Variants in NFKB1 observed in about 807,000 individuals in gnomAD.
NFKB1 encodes nuclear factor NF-kappa-B p105 subunit.
NFKB1 carries 9 observed loss-of-function variants against 105.1 expected under a neutral mutation model. The observed-to-expected ratio is 0.09, with a 90% confidence interval of 0.05 to 0.15. The LOEUF is 0.15. NFKB1 is among the 10% of genes least tolerant of loss of function. The pLI, the probability that NFKB1 is intolerant of heterozygous loss-of-function variation, is 1.00. For synonymous variants in NFKB1, 440 were observed against 442.2 expected (o/e 1.00, Z 0.06); for missense variants, 830 against 1,203.7 (o/e 0.69, Z 4.59).
At position 102,524,568 on chromosome 4, in the gene NFKB1, T is replaced by C. The variant is rs141224828; in HGVS notation, c.-7-944T>C. On this transcript the variant is annotated intron_variant, in intron 1 of 23. Coordinates refer to ENST00000226574, the MANE Select transcript of NFKB1 (RefSeq NM_003998.4). The stretch of plus-strand genomic sequence containing the variant: ...TGTGATGATTCAAGCACATTACATA[T>C]ATTGTGCACTTTATTTCTATTATTA... Among the ~76,000 whole-genome samples, 416 of 152,222 alleles carry C rather than the reference T, an allele frequency of 2.7e-3. 1 individual carries two copies. Among genetic ancestry groups the C allele is most frequent in the African/African-American group, 9.3e-3 (385 of 41,540 alleles).
Position 102,612,575 on chromosome 4 carries a change from C to T in NFKB1, c.2561C>T (p.Ala854Val). 6.2e-7 allele frequency: 1 copy of T among 1,613,898 alleles called. No homozygotes were observed. Among genetic ancestry groups the T allele is most frequent in the Non-Finnish European group, 8.5e-7 (1 of 1,180,018 alleles). ...AATAATGCCTTCCGGCTGAGTCCTG[C>T]TCCTTCCAAAACACTTATGGACAAC... ...ILNNAFRLSP[A>V]PSKTLMDNYE... is the part of the protein sequence containing the mutation. The change falls in exon 22 of 24, where the codon GCT (alanine) becomes GTT (valine). Residue 854 changes from alanine to valine, a missense_variant. Around this residue, in one of 8 missense-constraint regions of NFKB1, gnomAD observed 418 missense variants for 575.3 expected, o/e 0.73. Transcript: ENST00000226574.
chr4:102,584,714 A>G lies in NFKB1; in HGVS notation c.960A>G (p.Lys320=). 6.2e-7 allele frequency: 1 copy of G among 1,610,256 alleles called. No homozygotes were observed. The highest frequency in any genetic ancestry group is 8.5e-7 in the Non-Finnish European group (1 of 1,178,664). The stretch of plus-strand genomic sequence containing the variant: ...TTGTCTTCAAAACTCCAAAGTATAA[A>G]GATATTAATATTACAAAACCAGCCT... ...FAIVFKTPKY[K]DINITKPASV... The change falls in exon 11 of 24, where the codon AAA becomes AAG. Residue 320 remains lysine (K), a synonymous_variant. Transcript: ENST00000226574.
chr4:102,558,690 G>T (rs1042898398), intron 5 of NFKB1, among the ~76,000 whole-genome samples: 1 of 151,956 alleles, frequency 6.6e-6, no homozygotes, highest in African/African-American at 2.4e-5. Context: ...TCACCCTGTT[G>T]CCCAGGCTGG....
intron 5 of NFKB1, among the ~76,000 whole-genome samples, chr4:102,561,717 G>A (rs1723460073): frequency 6.6e-6 from 1 of 152,136 alleles, no homozygotes; most frequent in Non-Finnish European, 1.5e-5. Context: ...GCTGTGAAAT[G>A]GGGTACAACC....
At chr4:102,503,297 C>T (rs1739207300) in intron 1 of NFKB1, 1 of 151,808 alleles carries the variant, frequency 6.6e-6, no homozygotes, top group South Asian at 2.1e-4. Context: ...ATTATTCATC[C>T]ATATTGATAC....
intron 10 of NFKB1, among the ~76,000 whole-genome samples, chr4:102,584,472 A>G (rs1725559659): frequency 6.6e-6 from 1 of 152,226 alleles, no homozygotes; most frequent in African/African-American, 2.4e-5. Context: ...ATAGCATTGT[A>G]TTTTGATTTT....
intron 11 of NFKB1, among the ~76,000 whole-genome samples, chr4:102,592,571 G>T (rs1264621602): frequency 6.6e-6 from 1 of 152,160 alleles, no homozygotes; most frequent in African/African-American, 2.4e-5. Context: ...TATGTACATT[G>T]CTTTTTAAGA....
chr4:102,524,364 T>A (rs1364182138), intron 1 of NFKB1, among the ~76,000 whole-genome samples: 1 of 152,120 alleles, frequency 6.6e-6, no homozygotes, highest in East Asian at 1.9e-4. Flanking sequence ...TAAGGACTTT[T>A]ATTTTTGTAT....
At chr4:102,550,997 A>C (rs961182976) in intron 5 of NFKB1, among the ~76,000 whole-genome samples, 1 of 152,224 alleles carries the variant, frequency 6.6e-6, no homozygotes, top group African/African-American at 2.4e-5. Flanking sequence ...TTAATTTTTA[A>C]AATAGGTGTA....
At chr4:102,570,855 C>T (rs557242915) in intron 6 of NFKB1, among the ~76,000 whole-genome samples, 13 of 152,306 alleles carry the variant, frequency 8.5e-5, no homozygotes, top group African/African-American at 2.4e-4. Flanking sequence ...AATGGAAGAA[C>T]ATTCCATGCT....
At chr4:102,549,186 T>C (rs1722378169) in intron 5 of NFKB1, among the ~76,000 whole-genome samples, 1 of 151,902 alleles carries the variant, frequency 6.6e-6, no homozygotes, top group African/African-American at 2.4e-5. Flanking sequence ...ATTTATCGAG[T>C]TCTTACTATG....
At chr4:102,516,551 T>C (rs537575622) in intron 1 of NFKB1, among the ~76,000 whole-genome samples, 1 of 150,642 alleles carries the variant, frequency 6.6e-6, no homozygotes, top group East Asian at 2.0e-4. Flanking sequence ...TCTAGTGAAA[T>C]TTCATTTCAG....
chr4:102,577,129 C>T, intron 7 of NFKB1, 90 bp downstream of exon 7: 1 of 1,321,066 alleles, frequency 7.6e-7, no homozygotes, highest in Non-Finnish European at 1.0e-6. Flanking sequence ...GCATCCCTTC[C>T]AGTCTCTACC....
At chr4:102,592,567 C>T (rs561792998) in intron 11 of NFKB1, among the ~76,000 whole-genome samples, 11 of 152,148 alleles carry the variant, frequency 7.2e-5, no homozygotes, top group Admixed American at 1.3e-4. Flanking sequence ...AAGATATGTA[C>T]ATTGCTTTTT....
At chr4:102,606,236 C>G (rs1389491443) in intron 16 of NFKB1, among the ~76,000 whole-genome samples, 1 of 152,094 alleles carries the variant, frequency 6.6e-6, no homozygotes. Context: ...TATACAATTA[C>G]TATTTGTCAA....
intron 15 of NFKB1, among the ~76,000 whole-genome samples, chr4:102,600,564 T>G (rs1727056988): frequency 6.6e-6 from 1 of 152,188 alleles, no homozygotes; most frequent in Non-Finnish European, 1.5e-5. Context: ...AGCCATGGTA[T>G]AGAGGCAGGA....
At chr4:102,539,009 C>G (rs529281143) in intron 5 of NFKB1, among the ~76,000 whole-genome samples, 6 of 152,084 alleles carry the variant, frequency 3.9e-5, no homozygotes, top group Admixed American at 3.9e-4. Context: ...GAGGCCGAGG[C>G]TAGCAGATCA....
At chr4:102,577,912 T>C (rs1724996004) in intron 7 of NFKB1, 6 of 985,348 alleles carry the variant, frequency 6.1e-6, no homozygotes, top group South Asian at 4.7e-5. Context: ...CAGATAGATA[T>C]TACTGAAGTT....
chr4:102,574,950 A>G (rs577540669), intron 6 of NFKB1, among the ~76,000 whole-genome samples: 1 of 152,352 alleles, frequency 6.6e-6, no homozygotes, highest in Non-Finnish European at 1.5e-5. Flanking sequence ...GATGCTACAC[A>G]GATGTTTATC....
Sources: allele counts gnomAD v4.1 joint callset (sites outside exome capture counted in the v4.1 genomes callset), GRCh38; gene constraint gnomAD v4.1.1; regional missense constraint gnomAD v4.1.1; transcripts MANE v1.5; gene names NCBI Gene and HGNC (gene_info 2026-07-23, HGNC 2026-07-21).